GMCL1: variants seen among roughly 807,000 people sequenced by gnomAD.
GMCL1 encodes the protein germ cell-less 1, spermatogenesis associated, also known as germ cell-less protein-like 1.
GMCL1 carries 54 observed loss-of-function variants against 75.5 expected under a neutral mutation model. That is an observed-to-expected ratio of 0.71 (90% CI 0.57 to 0.90). The LOEUF is 0.90. GMCL1 is among the 40% of genes least tolerant of loss of function. The pLI is 0.00. For synonymous variants in GMCL1, 210 were observed against 209.6 expected, an observed-to-expected ratio of 1.00 and a Z score of -0.02; for missense variants, 537 against 622.7, an observed-to-expected ratio of 0.86 and a Z score of 1.47.
At chr2:69,862,335 G>A (rs550721734) in intron 10 of GMCL1, among the ~76,000 whole-genome samples, 1 of 152,178 alleles carries the variant, frequency 6.6e-6, no homozygotes, top group East Asian at 1.9e-4. Context: ...AACAGTAAGT[G>A]TATGAAAGTA....
rs1244001047 is a variant in GMCL1, at chr2:69,837,632, G to A, written c.346G>A (p.Gly116Arg). 1 of 1,603,882 alleles carries A rather than the reference G, an allele frequency of 6.2e-7. No individual in the cohort carries two copies. The highest frequency in any genetic ancestry group is 8.5e-7 in the Non-Finnish European group (1 of 1,177,182). The change falls in exon 2 of 14, where the codon GGA becomes AGA. Residue 116 changes from glycine to arginine, a missense_variant. Physicochemically the swap from Gly to Arg is moderately radical, Grantham distance 125. Around this residue, in one of 3 missense-constraint regions of GMCL1, gnomAD observed 48 missense variants for 85.0 expected, o/e 0.56. Transcript: ENST00000282570. ...CAGTGACATTAAGATTTGTGCTCTA[G>A]GAGAAGAATGGAGCTTACACAAAAT... ...ENSDIKICALGEEWSLHKIYL... is the reference protein window; with the variant it reads ...ENSDIKICALREEWSLHKIYL...
chr2:69,863,171 A>AT (rs2104020723), intron 10 of GMCL1, among the ~76,000 whole-genome samples: 1 of 152,320 alleles, frequency 6.6e-6, no homozygotes, highest in Non-Finnish European at 1.5e-5. Context: ...CAAAACCCAC[A>AT]TATACGAAAA....
chr2:69,852,898 G>C (rs1675360196), intron 8 of GMCL1, among the ~76,000 whole-genome samples: 1 of 152,060 alleles, frequency 6.6e-6, no homozygotes, highest in African/African-American at 2.4e-5. Flanking sequence ...GATCTATATG[G>C]ATCAGGACTA....
At chr2:69,845,983 G>A in intron 6 of GMCL1, among the ~76,000 whole-genome samples, 1 of 151,096 alleles carries the variant, frequency 6.6e-6, no homozygotes, top group Non-Finnish European at 1.5e-5. Flanking sequence ...GTGGGGAGGA[G>A]GTGGGGAAGA....
At chr2:69,838,337 A>AAAC (rs71834224) in intron 2 of GMCL1, among the ~76,000 whole-genome samples, 218 of 56,830 alleles carry the variant, frequency 3.8e-3, no homozygotes, top group African/African-American at 0.03. Context: ...ACTCTGTCTC[A>AAAC]AAAAAAAAAA....
chr2:69,841,929 T>C (rs1674999675), intron 4 of GMCL1, among the ~76,000 whole-genome samples: 1 of 152,242 alleles, frequency 6.6e-6, no homozygotes, highest in African/African-American at 2.4e-5. Context: ...ATAAGAAGGA[T>C]TGCAGAAGAG....
chr2:69,832,482 T>A (rs900168676), intron 1 of GMCL1, among the ~76,000 whole-genome samples: 4 of 151,990 alleles, frequency 2.6e-5, no homozygotes, highest in Non-Finnish European at 4.4e-5. Flanking sequence ...ATATATACAT[T>A]TATTTATTTA....
chr2:69,879,227 C>A lies in GMCL1; in HGVS notation c.*223C>A. 3.1e-6 allele frequency: 1 copy of A among 319,172 alleles called. No homozygotes were observed. The highest frequency in any genetic ancestry group is 5.4e-5 in the East Asian group (1 of 18,616). 19.8% of individuals were successfully genotyped at this position (319,172 alleles called of 1,614,324 possible). ...GCATATGCGTAAGAACATTTTAAAG[C>A]CAAGAAAATATCTGTCAAACCATTT... is the stretch of plus-strand genomic sequence containing the variant. On this transcript the variant is annotated 3_prime_UTR_variant, in exon 14 of 14. Transcript: ENST00000282570.
chr2:69,861,549 T>C (rs536035171), intron 10 of GMCL1, among the ~76,000 whole-genome samples: 5 of 152,350 alleles, frequency 3.3e-5, no homozygotes, highest in Non-Finnish European at 7.3e-5. Flanking sequence ...TATAATGCAA[T>C]TATGGAAATG....
chr2:69,839,367 A>T (rs76399530), intron 2 of GMCL1, 90 bp from the exon 3 acceptor site: 7,849 of 709,610 alleles, frequency 0.011, 76 homozygotes, highest in Non-Finnish European at 0.015. Flanking sequence ...TAGTTAATGG[A>T]TAGAATAGTT....
chr2:69,872,069 C>T (rs1675998221), intron 13 of GMCL1, among the ~76,000 whole-genome samples: 1 of 152,186 alleles, frequency 6.6e-6, no homozygotes, highest in Admixed American at 6.5e-5. Flanking sequence ...CAGGGAAACA[C>T]TGATTATAAG....
chr2:69,846,999 ATT>A (rs563722124), intron 6 of GMCL1, among the ~76,000 whole-genome samples: 32 of 132,990 alleles, frequency 2.4e-4, no homozygotes, highest in Admixed American at 3.8e-4. Flanking sequence ...TGATTGGCTA[ATT>A]TTTTTTTTTT....
intron 10 of GMCL1, 33 bp from the exon 11 acceptor site, chr2:69,864,867 C>G (rs779177001): frequency 7.3e-7 from 1 of 1,368,794 alleles, no homozygotes; most frequent in Non-Finnish European, 1.0e-6. Flanking sequence ...TGCATATTTT[C>G]TATGAACGTT....
intron 11 of GMCL1, among the ~76,000 whole-genome samples, chr2:69,867,616 G>C (rs1675857367): frequency 6.6e-6 from 1 of 151,900 alleles, no homozygotes; most frequent in Non-Finnish European, 1.5e-5. Flanking sequence ...CGTAAAATTG[G>C]TCCCTTGCTT....
intron 9 of GMCL1, among the ~76,000 whole-genome samples, chr2:69,858,771 A>G (rs2104007351): frequency 6.6e-6 from 1 of 152,316 alleles, no homozygotes; most frequent in East Asian, 1.9e-4. Flanking sequence ...AAGAGGAACA[A>G]AAATATGTAC....
intron 7 of GMCL1, among the ~76,000 whole-genome samples, chr2:69,848,735 C>T (rs1374557422): frequency 1.3e-5 from 2 of 152,152 alleles, no homozygotes; most frequent in Admixed American, 6.5e-5. Flanking sequence ...AGGATGTTTA[C>T]GTGCCGTGCA....
chr2:69,854,255 T>A (rs529386393), intron 8 of GMCL1, among the ~76,000 whole-genome samples: 1 of 151,978 alleles, frequency 6.6e-6, no homozygotes, highest in South Asian at 2.1e-4. Flanking sequence ...GCTCAAGCAA[T>A]CTTTCCACCT....
chr2:69,865,618 A>T (rs1245160398), intron 11 of GMCL1, among the ~76,000 whole-genome samples: 1 of 152,120 alleles, frequency 6.6e-6, no homozygotes, highest in Non-Finnish European at 1.5e-5. Flanking sequence ...ACTGCACTCC[A>T]GCCTGGGCGA....
At chr2:69,835,835 A>T (rs1327468646) in intron 1 of GMCL1, among the ~76,000 whole-genome samples, 1 of 152,152 alleles carries the variant, frequency 6.6e-6, no homozygotes, top group Non-Finnish European at 1.5e-5. Flanking sequence ...TGGTATCCTG[A>T]ACTGGTGAAT....
Sources: allele counts gnomAD v4.1 joint callset (sites outside exome capture counted in the v4.1 genomes callset), GRCh38; gene constraint gnomAD v4.1.1; regional missense constraint gnomAD v4.1.1; transcripts MANE v1.5; gene names NCBI Gene and HGNC (gene_info 2026-07-23, HGNC 2026-07-21).